Variants in ITPR1 observed in about 807,000 individuals in gnomAD.
The protein encoded by ITPR1 is inositol 1,4,5-trisphosphate-gated calcium channel ITPR1.
A neutral mutation model predicts 318.4 loss-of-function variants in ITPR1; 96 were observed. The ratio of observed to expected loss-of-function variants is 0.30; its 90% CI spans 0.26 to 0.36. The LOEUF is 0.36. ITPR1 is among the 10% of genes least tolerant of loss of function. The pLI is 1.00. For missense variants in ITPR1, 2,440 were observed against 3,460.2 expected, an observed-to-expected ratio of 0.71 and a Z score of 7.40; for synonymous variants, 1,312 against 1,289.9, an observed-to-expected ratio of 1.02 and a Z score of -0.37.
At chr3:4,595,896 C>A (rs548659646) in intron 4 of ITPR1, among the ~76,000 whole-genome samples, 1 of 152,106 alleles carries the variant, frequency 6.6e-6, no homozygotes, top group Middle Eastern at 3.4e-3. Flanking sequence ...GCTCTCATGT[C>A]GTAGATGAAG....
At chr3:4,831,926 G>A (rs1406754449) in intron 60 of ITPR1, among the ~76,000 whole-genome samples, 1 of 152,212 alleles carries the variant, frequency 6.6e-6, no homozygotes, top group Non-Finnish European at 1.5e-5. Context: ...GTGCAGAGGG[G>A]GACCCTGTTG....
intron 4 of ITPR1, among the ~76,000 whole-genome samples, chr3:4,603,119 G>A (rs6782233): frequency 0.71 from 108,297 of 151,992 alleles, 39,065 homozygotes; most frequent in Non-Finnish European, 0.77. Flanking sequence ...TACAAAACAA[G>A]TGAAAAAAGT....
intron 58 of ITPR1, 23 bp downstream of exon 58, chr3:4,814,585 G>A (rs770190078): frequency 1.1e-5 from 11 of 1,010,518 alleles, no homozygotes; most frequent in South Asian, 2.6e-5. Flanking sequence ...CGAGGGGAAG[G>A]AAGGGCAAAG....
intron 55 of ITPR1, among the ~76,000 whole-genome samples, chr3:4,810,324 C>T (rs907665496): frequency 2.6e-5 from 4 of 152,206 alleles, no homozygotes; most frequent in Admixed American, 2.0e-4. Context: ...TCTCTCCCCA[C>T]ACTCCCCACC....
chr3:4,696,087 G>A (rs1234605083), intron 33 of ITPR1, among the ~76,000 whole-genome samples: 5 of 152,122 alleles, frequency 3.3e-5, no homozygotes, highest in Middle Eastern at 3.4e-3. Flanking sequence ...TGATAGTATC[G>A]CATACCAGCT....
intron 35 of ITPR1, among the ~76,000 whole-genome samples, chr3:4,700,323 A>G (rs1180434035): frequency 6.6e-6 from 1 of 152,248 alleles, no homozygotes; most frequent in African/African-American, 2.4e-5. Context: ...TATAAGCTAC[A>G]TGAAGACAAA....
chr3:4,569,860 G>A (rs566602093), intron 4 of ITPR1, among the ~76,000 whole-genome samples: 34 of 152,260 alleles, frequency 2.2e-4, no homozygotes, highest in Middle Eastern at 6.8e-3. Flanking sequence ...ATGCATTTAT[G>A]CATATTTAAT....
At chr3:4,794,413 C>T (rs559202544) in intron 52 of ITPR1, among the ~76,000 whole-genome samples, 2 of 152,302 alleles carry the variant, frequency 1.3e-5, no homozygotes, top group East Asian at 3.9e-4. Context: ...CTGCTGACCA[C>T]GAGGTCAGCA....
At chr3:4,551,114 C>A (rs1304253804) in intron 4 of ITPR1, among the ~76,000 whole-genome samples, 1 of 152,164 alleles carries the variant, frequency 6.6e-6, no homozygotes, top group Non-Finnish European at 1.5e-5. Context: ...AGAGAAGATA[C>A]CAGCTGCGGC....
intron 7 of ITPR1, 72 bp downstream of exon 7, chr3:4,642,323 G>C: frequency 1.6e-6 from 2 of 1,228,554 alleles, no homozygotes; most frequent in African/African-American, 1.5e-5. Context: ...TTAGAGTTAA[G>C]GAGGAGACGT....
At chr3:4,628,979 A>G (rs994539980) in intron 5 of ITPR1, among the ~76,000 whole-genome samples, 1 of 152,188 alleles carries the variant, frequency 6.6e-6, no homozygotes, top group African/African-American at 2.4e-5. Context: ...GGAGTCCTAC[A>G]TGCAGTGTGT....
chr3:4,572,451 G>A (rs559627945), intron 4 of ITPR1, among the ~76,000 whole-genome samples: 14 of 152,016 alleles, frequency 9.2e-5, no homozygotes, highest in East Asian at 3.9e-4. Flanking sequence ...ATAAAAGAAC[G>A]CAAATTTGCA....
In ITPR1 at chr3:4,788,214, G is replaced by A. The variant is rs547501006; in HGVS notation, c.6808+75G>A. 45 of 1,173,854 alleles carry A rather than the reference G, an allele frequency of 3.8e-5. 1 individual carries two copies. The highest frequency in any genetic ancestry group is 1.3e-4 in the Admixed American group (6 of 45,534). 72.7% of individuals were successfully genotyped at this position (1,173,854 alleles called of 1,614,324 possible). ...TTCACAAACTTGGGCTTGATGGTGC[G>A]TTCATTTCCAAGCAGGAGCAAAGCT... is the stretch of plus-strand genomic sequence containing the variant. On this transcript the variant is annotated intron_variant, in intron 52 of 61. Transcript: ENST00000649015.
chr3:4,836,194 C>G (rs62231646), intron 60 of ITPR1, among the ~76,000 whole-genome samples: 6 of 152,218 alleles, frequency 3.9e-5, no homozygotes, highest in Admixed American at 1.3e-4. Context: ...TAATATGAGG[C>G]CCCTGGAGCA....
intron 6 of ITPR1, among the ~76,000 whole-genome samples, chr3:4,640,008 G>A (rs980700260): frequency 3.3e-5 from 5 of 152,106 alleles, no homozygotes; most frequent in African/African-American, 1.2e-4. Context: ...AATTTGCCGT[G>A]GAGATAAAAC....
At chr3:4,642,064 C>T in intron 6 of ITPR1, 29 bp from the exon 7 acceptor site, 1 of 1,526,740 alleles carries the variant, frequency 6.5e-7, no homozygotes, top group South Asian at 1.3e-5. Flanking sequence ...TTTGCTGACA[C>T]TCACTTTATT....
At position 4,658,264 on chromosome 3, in the gene ITPR1, C is replaced by G. The variant is rs778153740; in HGVS notation, c.1137C>G (p.Asp379Glu). The part of the protein sequence containing the change: ...ELDPTTLRGG[D>E]SLVPRNSYVR... The stretch of plus-strand genomic sequence containing the variant: ...ATCCCACCACTCTGCGTGGAGGTGA[C>G]AGCCTTGTCCCAAGGTATCATTTTA... Residue 379 changes from aspartate to glutamate, a missense_variant, in exon 13 of 62, where the codon GAC becomes GAG. Around this residue, in one of 23 missense-constraint regions of ITPR1, gnomAD observed 101 missense variants for 119.6 expected, o/e 0.84. Coordinates refer to ENST00000649015, the MANE Select transcript of ITPR1 (RefSeq NM_001378452.1). 8 of 1,611,182 alleles carry G rather than the reference C, an allele frequency of 5.0e-6. No homozygotes were observed. The highest frequency in any genetic ancestry group is 5.9e-6 in the Non-Finnish European group (7 of 1,177,978).
intron 4 of ITPR1, among the ~76,000 whole-genome samples, chr3:4,555,374 A>G (rs2086018987): frequency 6.6e-6 from 1 of 152,206 alleles, no homozygotes; most frequent in Non-Finnish European, 1.5e-5. Flanking sequence ...GTATCTTTCC[A>G]GGATGTTTCC....
At chr3:4,704,764 A>G (rs1400291784) in intron 36 of ITPR1, among the ~76,000 whole-genome samples, 4 of 151,080 alleles carry the variant, frequency 2.6e-5, no homozygotes, top group African/African-American at 7.3e-5. Context: ...TGGAACGGTA[A>G]GACATGAAAA....
Sources: gnomAD v4.1 joint callset for allele counts (sites outside exome capture counted in the v4.1 genomes callset) on GRCh38, gnomAD v4.1.1 for gene constraint, gnomAD v4.1.1 regional missense constraint, MANE v1.5 for transcripts, NCBI Gene and HGNC (gene_info 2026-07-23, HGNC 2026-07-21) for gene names.